CTNNA3: variants seen among roughly 807,000 people sequenced by gnomAD.
CTNNA3 encodes the protein catenin alpha 3, also known as catenin alpha-3.
Under a neutral mutation model 95.7 loss-of-function variants are expected in CTNNA3, and 76 were observed. The ratio of observed to expected loss-of-function variants is 0.79; its 90% confidence interval spans 0.66 to 0.96. The LOEUF (loss-of-function observed/expected upper bound fraction) is 0.96, where lower values mean the gene tolerates loss of function less well. Ranked by LOEUF, CTNNA3 falls within the 40% of genes least tolerant of loss-of-function variation. CTNNA3 has a pLI of 0.00. For synonymous variants in CTNNA3, 431 were observed against 374.4 expected (o/e 1.15, Z -1.74); for missense variants, 1,191 against 1,089.8 (o/e 1.09, Z -1.31).
At chr10:66,354,246 T>C (rs886956626) in intron 12 of CTNNA3, among the ~76,000 whole-genome samples, 4 of 151,018 alleles carry the variant, frequency 2.6e-5, no homozygotes, top group African/African-American at 4.9e-5. Flanking sequence ...GATGGCACCA[T>C]TGCCCTCCAG....
chr10:66,177,416 G>A (rs2085771138), intron 13 of CTNNA3, among the ~76,000 whole-genome samples: 2 of 151,522 alleles, frequency 1.3e-5, no homozygotes, highest in Admixed American at 1.3e-4. Flanking sequence ...TAAAAATTTT[G>A]TTCTTTATTT....
At chr10:66,117,066 C>A (rs1340613408) in intron 13 of CTNNA3, among the ~76,000 whole-genome samples, 4 of 152,054 alleles carry the variant, frequency 2.6e-5, no homozygotes, top group Non-Finnish European at 4.4e-5. Flanking sequence ...GCCAGTCAAT[C>A]TGTAGTGGCA....
intron 12 of CTNNA3, among the ~76,000 whole-genome samples, chr10:66,340,624 A>C (rs910948521): frequency 6.6e-6 from 1 of 151,912 alleles, no homozygotes; most frequent in African/African-American, 2.4e-5. Flanking sequence ...CAATTGCAGT[A>C]ATTATGGTTA....
In CTNNA3 at chr10:67,174,963, A is replaced by T. The variant is rs1429335018; in HGVS notation, c.1047+5354T>A. On this transcript the variant is annotated intron_variant, in intron 7 of 17. Transcript: ENST00000433211. ...CTCTAACCAAATCAACCACTCAAAAATCAGTTACCACTACATAATAATGAA... is the reference window on the plus strand; with the variant it reads ...CTCTAACCAAATCAACCACTCAAAATTCAGTTACCACTACATAATAATGAA... Among the ~76,000 whole-genome samples the T allele has an allele frequency of 2.0e-5, 3 of 151,940 alleles. No individual in the cohort carries two copies. The South Asian group carries it at 6.2e-4, about 32-fold the overall frequency.
At chr10:67,364,146 C>A (rs1021726291) in intron 5 of CTNNA3, among the ~76,000 whole-genome samples, 22 of 152,290 alleles carry the variant, frequency 1.4e-4, no homozygotes, top group African/African-American at 4.8e-4. Flanking sequence ...TCGGCTTCAT[C>A]TCTGGGATGC....
intron 12 of CTNNA3, among the ~76,000 whole-genome samples, chr10:66,353,104 G>A (rs1342801594): frequency 6.6e-6 from 1 of 151,890 alleles, no homozygotes; most frequent in Non-Finnish European, 1.5e-5. Flanking sequence ...ATATATATAT[G>A]CTTCTCTAAT....
At chr10:67,110,725 C>A (rs1175515061) in intron 7 of CTNNA3, among the ~76,000 whole-genome samples, 1 of 151,954 alleles carries the variant, frequency 6.6e-6, no homozygotes, top group Non-Finnish European at 1.5e-5. Context: ...AGAAGACAGG[C>A]CATATTTTAT....
intron 5 of CTNNA3, among the ~76,000 whole-genome samples, chr10:67,379,024 T>G (rs1843808887): frequency 6.6e-6 from 1 of 152,198 alleles, no homozygotes; most frequent in Non-Finnish European, 1.5e-5. Flanking sequence ...TCACTGTGTT[T>G]GTGTACCTAA....
chr10:67,682,598 T>G lies in CTNNA3; in HGVS notation c.-6+13402A>C, dbSNP rs1443984517. Among the ~76,000 whole-genome samples, 4 of 152,296 alleles carry G rather than the reference T, an allele frequency of 2.6e-5. No individual in the cohort carries two copies. The East Asian group carries it at 7.7e-4, about 29-fold the overall frequency. ...GGGGTATAAACTGATATGAACTTCT[T>G]GAAGAGAAATATGACAATACATCTC... On this transcript the variant is annotated intron_variant, in intron 1 of 17. Transcript: ENST00000433211.
chr10:66,919,134 T>TAAA (rs5785804), intron 7 of CTNNA3, among the ~76,000 whole-genome samples: 63 of 111,924 alleles, frequency 5.6e-4, no homozygotes, highest in South Asian at 3.4e-3. Flanking sequence ...GACTCTGTCT[T>TAAA]AAAAAAAAAA....
At chr10:66,843,192 C>T (rs755201630) in intron 7 of CTNNA3, among the ~76,000 whole-genome samples, 3 of 152,264 alleles carry the variant, frequency 2.0e-5, no homozygotes, top group Non-Finnish European at 2.9e-5. Flanking sequence ...CAAAACCTGA[C>T]ATCTTCACTT....
intron 5 of CTNNA3, among the ~76,000 whole-genome samples, chr10:67,318,030 T>C (rs939569163): frequency 2.6e-5 from 4 of 151,094 alleles, no homozygotes; most frequent in Non-Finnish European, 5.9e-5. Context: ...TTTTTTTACA[T>C]AAGGAGGGAT....
chr10:67,602,830 T>A (rs201243157), intron 3 of CTNNA3, among the ~76,000 whole-genome samples: 2 of 152,190 alleles, frequency 1.3e-5, no homozygotes, highest in South Asian at 2.1e-4. Context: ...AGGGCTCATA[T>A]CCCTTACCAA....
rs567924688 is a variant in CTNNA3 at position 66,680,887 on chromosome 10, G to A, written c.1282-59103C>T. ...ATGATAATAATAAGGCAGAGAGAAT[G>A]ATGAGAGAGGAAGCTAAAAAGGTAG... On this transcript the variant is annotated intron_variant, in intron 9 of 17. Transcript: ENST00000433211. 3.8e-4 allele frequency among the ~76,000 whole-genome samples: 58 copies of A among 152,126 alleles called. 1 individual carries two copies. The highest frequency in any genetic ancestry group is 2.1e-3 in the South Asian group (10 of 4,816).
intron 11 of CTNNA3, among the ~76,000 whole-genome samples, chr10:66,432,539 T>C (rs2093305711): frequency 6.6e-6 from 1 of 151,798 alleles, no homozygotes; most frequent in African/African-American, 2.4e-5. Context: ...CAGGTGCCTG[T>C]AGTTCCAGCT....
intron 13 of CTNNA3, among the ~76,000 whole-genome samples, chr10:66,199,805 A>ATATATATTTTTT (rs1564756586): frequency 3.5e-4 from 5 of 14,290 alleles, no homozygotes; most frequent in Non-Finnish European, 4.3e-4. Context: ...ATATATATAT[A>ATATATATTTTTT]TTTTTTTTTT....
intron 7 of CTNNA3, among the ~76,000 whole-genome samples, chr10:66,847,607 A>C (rs1429955285): frequency 6.6e-6 from 1 of 152,184 alleles, no homozygotes; most frequent in Non-Finnish European, 1.5e-5. Flanking sequence ...GCTGTGAAGA[A>C]TATATTAGGA....
chr10:65,992,675 C>T (rs1032351442), intron 15 of CTNNA3, among the ~76,000 whole-genome samples: 2 of 151,764 alleles, frequency 1.3e-5, no homozygotes, highest in African/African-American at 2.4e-5. Context: ...AATTTTTTAT[C>T]TTTTCACAAA....
chr10:67,025,694 A>C (rs1005598436), intron 7 of CTNNA3, among the ~76,000 whole-genome samples: 1 of 152,188 alleles, frequency 6.6e-6, no homozygotes, highest in Non-Finnish European at 1.5e-5. Context: ...ACACAACAAC[A>C]ACAAGTATTG....
Sources: allele counts gnomAD v4.1 joint callset (sites outside exome capture counted in the v4.1 genomes callset), GRCh38; gene constraint gnomAD v4.1.1; transcripts MANE v1.5; gene names NCBI Gene and HGNC (gene_info 2026-07-23, HGNC 2026-07-21).